The following CAMK4 variants were observed in gnomAD, a reference collection of about 807,000 sequenced individuals.
The protein encoded by CAMK4 is calcium/calmodulin dependent protein kinase IV.
CAMK4 carries 22 observed loss-of-function variants against 44.9 expected under a neutral mutation model. That is an observed-to-expected ratio of 0.49 (90% CI 0.35 to 0.70). The LOEUF is 0.70. Ranked by LOEUF, CAMK4 falls within the 30% of genes least tolerant of loss-of-function variation. CAMK4 has a pLI of 0.01. For missense variants in CAMK4, 498 were observed against 586.8 expected (o/e 0.85, Z 1.56); for synonymous variants, 218 against 215.4 (o/e 1.01, Z -0.11).
chr5:111,466,745 A>G (rs547737116), intron 7 of CAMK4, among the ~76,000 whole-genome samples: 20 of 152,344 alleles, frequency 1.3e-4, no homozygotes, highest in African/African-American at 4.1e-4. Context: ...AGTAGAATCA[A>G]TATTGTGAAA....
chr5:111,406,224 C>CTCTG, intron 5 of CAMK4, among the ~76,000 whole-genome samples: 1 of 148,272 alleles, frequency 6.7e-6, no homozygotes. Flanking sequence ...CTCTCTCTCT[C>CTCTG]GTTTTTGGTT....
rs1232131357 is a variant in CAMK4 at position 111,448,370 on chromosome 5, C to CT, written c.551-758dup. ...TAATTCTCGTGTCACTGATGAAAGT[C>CT]TATTTTTTTTCTCCTCTCTGTCAAT... On this transcript the variant is annotated intron_variant, in intron 6 of 10. Coordinates refer to ENST00000282356, the MANE Select transcript of CAMK4 (RefSeq NM_001744.6). Among the ~76,000 whole-genome samples, 3 of 152,252 alleles carry CT rather than the reference C, an allele frequency of 2.0e-5. No individual in the cohort carries two copies. The East Asian group carries it at 5.8e-4, about 29-fold the overall frequency.
chr5:111,491,041 C>T lies in CAMK4; in HGVS notation c.*6575C>T, dbSNP rs1000161058. 5.9e-5 allele frequency: 9 copies of T among 152,208 alleles called. No individual in the cohort carries two copies. Among genetic ancestry groups the T allele is most frequent in the African/African-American group, 1.9e-4 (8 of 41,540 alleles). 9.4% of individuals were successfully genotyped at this position (152,208 alleles called of 1,614,324 possible). ...GTTATTTATGCTCTTACTTGAATGT[C>T]AGTCATTCATTTTATCTCTCGTCTT... is the stretch of plus-strand genomic sequence containing the variant. On this transcript the variant is annotated 3_prime_UTR_variant, in exon 11 of 11. Coordinates refer to ENST00000282356, the MANE Select transcript of CAMK4 (RefSeq NM_001744.6).
intron 5 of CAMK4, among the ~76,000 whole-genome samples, chr5:111,421,942 C>G (rs149250009): frequency 6.6e-6 from 1 of 152,306 alleles, no homozygotes; most frequent in East Asian, 1.9e-4. Context: ...CACTCTCTTG[C>G]CTGCTGCCAT....
chr5:111,393,420 C>G (rs529319738), intron 4 of CAMK4, among the ~76,000 whole-genome samples: 12 of 152,234 alleles, frequency 7.9e-5, no homozygotes, highest in African/African-American at 2.9e-4. Context: ...AAATGTGATT[C>G]TATCCCCTTG....
intron 1 of CAMK4, among the ~76,000 whole-genome samples, chr5:111,323,810 A>G (rs1374782423): frequency 6.6e-6 from 1 of 152,148 alleles, no homozygotes; most frequent in African/African-American, 2.4e-5. Context: ...TCAGATTTAT[A>G]GAAATCAGTG....
intron 1 of CAMK4, among the ~76,000 whole-genome samples, chr5:111,273,732 TACAC>T (rs575947661): frequency 1.9e-4 from 19 of 102,254 alleles, no homozygotes; most frequent in African/African-American, 6.6e-4. Flanking sequence ...CACACATACA[TACAC>T]ACACACACGC....
intron 5 of CAMK4, among the ~76,000 whole-genome samples, chr5:111,411,087 C>T (rs956576319): frequency 6.6e-6 from 1 of 152,074 alleles, no homozygotes; most frequent in Non-Finnish European, 1.5e-5. Context: ...AACAATCTTC[C>T]AAACTCTAAA....
At chr5:111,464,153 T>G (rs1754741931) in intron 7 of CAMK4, among the ~76,000 whole-genome samples, 1 of 151,772 alleles carries the variant, frequency 6.6e-6, no homozygotes, top group Non-Finnish European at 1.5e-5. Context: ...CAATCACAAC[T>G]TCTGGAAATG....
At chr5:111,462,809 A>C (rs1376796318) in intron 7 of CAMK4, among the ~76,000 whole-genome samples, 6 of 152,190 alleles carry the variant, frequency 3.9e-5, no homozygotes, top group Non-Finnish European at 7.3e-5. Context: ...CATTTCCAAA[A>C]CTAGTTACAA....
intron 5 of CAMK4, among the ~76,000 whole-genome samples, chr5:111,442,067 T>C (rs1429176305): frequency 6.6e-6 from 1 of 152,210 alleles, no homozygotes; most frequent in African/African-American, 2.4e-5. Context: ...TTCAGCTCTT[T>C]AAATTGATCT....
intron 2 of CAMK4, among the ~76,000 whole-genome samples, chr5:111,355,787 A>G (rs1750322791): frequency 2.0e-5 from 3 of 150,890 alleles, no homozygotes; most frequent in Admixed American, 2.0e-4. Flanking sequence ...TTTACCGAGA[A>G]TGATGATTTC....
intron 1 of CAMK4, among the ~76,000 whole-genome samples, chr5:111,325,766 C>A (rs576176842): frequency 6.6e-6 from 1 of 151,804 alleles, no homozygotes; most frequent in East Asian, 2.0e-4. Flanking sequence ...CTTGTATATT[C>A]TCTATATTAG....
chr5:111,259,549 T>C (rs1191044976), intron 1 of CAMK4, among the ~76,000 whole-genome samples: 2 of 152,164 alleles, frequency 1.3e-5, no homozygotes, highest in African/African-American at 4.8e-5. Flanking sequence ...CTTTGGAGGA[T>C]GGGTTGTAGG....
At chr5:111,374,577 C>T (rs992638614) in intron 2 of CAMK4, among the ~76,000 whole-genome samples, 21 of 152,050 alleles carry the variant, frequency 1.4e-4, no homozygotes, top group African/African-American at 4.8e-4. Context: ...TTAGTTGTGA[C>T]AGTGATGACT....
rs1755964891 is a variant in CAMK4 at position 111,494,072 on chromosome 5, G to C, written c.*9606G>C. On this transcript the variant is annotated 3_prime_UTR_variant, in exon 11 of 11. Transcript: ENST00000282356. ...AATTTTTATTCCTGGGTTGCTGAAA[G>C]CTTTCTGGACTAAAAGGATATAAGC... The C allele has an allele frequency of 6.6e-6, 1 of 152,160 alleles. No homozygotes were observed. Among genetic ancestry groups the C allele is most frequent in the African/African-American group, 2.4e-5 (1 of 41,434 alleles). 9.4% of individuals were successfully genotyped at this position (152,160 alleles called of 1,614,324 possible). A position where few individuals can be genotyped will look rare whatever the true frequency, so the allele number is the denominator to read the frequency against.
At chr5:111,278,864 T>C (rs565504336) in intron 1 of CAMK4, among the ~76,000 whole-genome samples, 3 of 152,286 alleles carry the variant, frequency 2.0e-5, no homozygotes, top group African/African-American at 7.2e-5. Flanking sequence ...AATATAAATA[T>C]ATAGCGGATC....
intron 1 of CAMK4, among the ~76,000 whole-genome samples, chr5:111,275,708 A>G (rs1013877959): frequency 1.3e-5 from 2 of 152,132 alleles, no homozygotes; most frequent in African/African-American, 4.8e-5. Context: ...AAGTTTTAAT[A>G]TTCGATAGTG....
chr5:111,317,062 G>A (rs1211867649), intron 1 of CAMK4, among the ~76,000 whole-genome samples: 2 of 152,044 alleles, frequency 1.3e-5, no homozygotes, highest in Non-Finnish European at 2.9e-5. Flanking sequence ...TACTGAAGAG[G>A]CATTAAAAAT....
Sources: gnomAD v4.1 joint callset for allele counts (sites outside exome capture counted in the v4.1 genomes callset) on GRCh38, gnomAD v4.1.1 for gene constraint, MANE v1.5 for transcripts, NCBI Gene and HGNC (gene_info 2026-07-23, HGNC 2026-07-21) for gene names.